GRIA1: variants seen among roughly 807,000 people sequenced by gnomAD.
The protein encoded by GRIA1 is glutamate ionotropic receptor AMPA type subunit 1.
Under a neutral mutation model 99.2 loss-of-function variants are expected in GRIA1, and 31 were observed. The observed-to-expected ratio is 0.31, with a 90% CI of 0.23 to 0.42. The LOEUF is 0.42. Among genes scored for constraint, GRIA1 ranks in the 10% least tolerant of loss-of-function variants. The pLI, the probability that GRIA1 is intolerant of heterozygous loss-of-function variation, is 1.00. For missense variants in GRIA1, 782 were observed against 1,157.5 expected (o/e 0.68, Z 4.71); for synonymous variants, 438 against 432.4 (o/e 1.01, Z -0.16).
intron 14 of GRIA1, among the ~76,000 whole-genome samples, chr5:153,800,014 T>G (rs970238159): frequency 2.0e-5 from 3 of 152,156 alleles, no homozygotes; most frequent in Non-Finnish European, 4.4e-5. Flanking sequence ...AAGATGCCCA[T>G]CACTCCCTTG....
intron 12 of GRIA1, among the ~76,000 whole-genome samples, chr5:153,769,629 A>G (rs906897262): frequency 3.3e-5 from 5 of 151,858 alleles, no homozygotes; most frequent in African/African-American, 1.2e-4. Flanking sequence ...AGACAACAAT[A>G]TATTTGATTG....
At chr5:153,616,942 T>G (rs1766564025) in intron 2 of GRIA1, among the ~76,000 whole-genome samples, 1 of 152,226 alleles carries the variant, frequency 6.6e-6, no homozygotes, top group Admixed American at 6.5e-5. Flanking sequence ...TAACTTAACA[T>G]GCAGGAACTC....
At chr5:153,494,318 G>A (rs1359682958) in intron 2 of GRIA1, 2 of 461,930 alleles carry the variant, frequency 4.3e-6, no homozygotes, top group African/African-American at 3.9e-5. Context: ...ATGGGTGCTT[G>A]GGTTGACTGC....
rs752700990 is a variant in GRIA1 at position 153,686,273 on chromosome 5, C to A, written c.1078C>A (p.Arg360Ser). The A allele has an allele frequency of 1.9e-6, 3 of 1,613,984 alleles. No homozygotes were observed. In the Admixed American group the frequency reaches 5.0e-5, roughly 27 times the overall value. The change falls in exon 8 of 16, where the codon CGC (arginine) becomes AGC (serine). Residue 360 changes from arginine (R) to serine (S), a missense_variant. Transcript: ENST00000285900. ...TGNVQFNEKG[R>S]RTNYTLHVIE... is the part of the protein sequence containing the mutation. ...AAACGTGCAGTTTAATGAGAAAGGA[C>A]GCCGGACCAACTACACGCTCCACGT...
At position 153,575,268 on chromosome 5, in the gene GRIA1, G is replaced by A. The variant is rs561894777; in HGVS notation, c.221-71660G>A. Reference sequence around the variant, plus strand: ...ATATACTTGGATGAACTAAAGAGTGGTCCTCATGAAAGCCTCATAATGTCC... The same window carrying A: ...ATATACTTGGATGAACTAAAGAGTGATCCTCATGAAAGCCTCATAATGTCC... On this transcript the variant is annotated intron_variant, in intron 2 of 15. Transcript: ENST00000285900. Among the ~76,000 whole-genome samples, 42 of 151,802 alleles carry A rather than the reference G, an allele frequency of 2.8e-4. 1 individual carries two copies. In the South Asian group the frequency reaches 8.1e-3, roughly 29 times the overall value.
intron 8 of GRIA1, among the ~76,000 whole-genome samples, chr5:153,688,974 C>T (rs908799233): frequency 6.6e-6 from 1 of 152,132 alleles, no homozygotes; most frequent in African/African-American, 2.4e-5. Context: ...TTCACCTCCG[C>T]CTCCCAAAGT....
intron 11 of GRIA1, among the ~76,000 whole-genome samples, chr5:153,760,751 A>G (rs1763126881): frequency 6.6e-6 from 1 of 152,168 alleles, no homozygotes; most frequent in Non-Finnish European, 1.5e-5. Flanking sequence ...AGCTAGAAGC[A>G]CCACACTACC....
intron 12 of GRIA1, among the ~76,000 whole-genome samples, chr5:153,768,612 T>C (rs1413098025): frequency 6.6e-6 from 1 of 152,198 alleles, no homozygotes; most frequent in Non-Finnish European, 1.5e-5. Context: ...GCCCCGAATG[T>C]CTTTATTGAT....
At chr5:153,798,670 C>T (rs866285272) in intron 14 of GRIA1, among the ~76,000 whole-genome samples, 1 of 152,304 alleles carries the variant, frequency 6.6e-6, no homozygotes. Context: ...GGCCAAAAGC[C>T]TTGGCTTCTC....
At chr5:153,700,298 T>C (rs1758425295) in intron 10 of GRIA1, among the ~76,000 whole-genome samples, 3 of 152,146 alleles carry the variant, frequency 2.0e-5, no homozygotes. Context: ...GGCAGGAGAA[T>C]CACTTGAACC....
At chr5:153,760,674 T>A (rs1763121567) in intron 11 of GRIA1, among the ~76,000 whole-genome samples, 1 of 151,930 alleles carries the variant, frequency 6.6e-6, no homozygotes, top group Non-Finnish European at 1.5e-5. Context: ...AGAAAAATAA[T>A]CCTAAAATTT....
At chr5:153,561,969 T>G (rs180791635) in intron 2 of GRIA1, among the ~76,000 whole-genome samples, 7 of 152,336 alleles carry the variant, frequency 4.6e-5, no homozygotes, top group South Asian at 4.1e-4. Flanking sequence ...AGCAAAGCGA[T>G]AGAACACTGA....
At chr5:153,575,025 G>A (rs1762410790) in intron 2 of GRIA1, among the ~76,000 whole-genome samples, 1 of 152,156 alleles carries the variant, frequency 6.6e-6, no homozygotes, top group Non-Finnish European at 1.5e-5. Context: ...AAAGAGAACA[G>A]ACTCATAAAA....
At chr5:153,534,538 G>T (rs1363371969) in intron 2 of GRIA1, among the ~76,000 whole-genome samples, 1 of 152,220 alleles carries the variant, frequency 6.6e-6, no homozygotes, top group Non-Finnish European at 1.5e-5. Context: ...CTCCAGTCAT[G>T]GGATGGATAC....
At chr5:153,639,412 A>G (rs1753627801) in intron 2 of GRIA1, among the ~76,000 whole-genome samples, 2 of 152,058 alleles carry the variant, frequency 1.3e-5, no homozygotes, top group Non-Finnish European at 2.9e-5. Context: ...TCTGTTTCTC[A>G]AGCTCTTCAG....
chr5:153,758,189 G>T (rs1426947670), intron 11 of GRIA1, among the ~76,000 whole-genome samples: 1 of 151,954 alleles, frequency 6.6e-6, no homozygotes, highest in African/African-American at 2.4e-5. Context: ...TAACAAAATG[G>T]CAGTGGTAAG....
At chr5:153,663,294 A>G (rs536602293) in intron 5 of GRIA1, among the ~76,000 whole-genome samples, 1 of 152,366 alleles carries the variant, frequency 6.6e-6, no homozygotes, top group East Asian at 1.9e-4. Context: ...CTGGAATTCA[A>G]ACTTAAAACC....
intron 2 of GRIA1, among the ~76,000 whole-genome samples, chr5:153,607,103 G>C (rs1765523707): frequency 1.4e-5 from 2 of 143,870 alleles, no homozygotes; most frequent in African/African-American, 5.1e-5. Flanking sequence ...TTGATTGATG[G>C]GCATTTGCAT....
At chr5:153,710,860 G>A (rs1249893688) in intron 11 of GRIA1, among the ~76,000 whole-genome samples, 1 of 152,190 alleles carries the variant, frequency 6.6e-6, no homozygotes, top group Non-Finnish European at 1.5e-5. Context: ...TGAATAAAAT[G>A]AACCTGCTGT....
Sources: allele counts gnomAD v4.1 joint callset (sites outside exome capture counted in the v4.1 genomes callset), GRCh38; gene constraint gnomAD v4.1.1; transcripts MANE v1.5; gene names NCBI Gene and HGNC (gene_info 2026-07-23, HGNC 2026-07-21).